CBLN2: variants seen among roughly 807,000 people sequenced by gnomAD.
The protein encoded by CBLN2 is cerebellin 2 precursor, also known as cerebellin-2.
Under a neutral mutation model 15.0 loss-of-function variants are expected in CBLN2, and 7 were observed. That is an observed-to-expected ratio of 0.47 (90% CI 0.27 to 0.88). CBLN2 has a LOEUF of 0.88. Ranked by LOEUF, CBLN2 falls within the 40% of genes least tolerant of loss-of-function variation. The pLI is 0.14. For missense variants in CBLN2, 242 were observed against 304.5 expected, an observed-to-expected ratio of 0.79 and a Z score of 1.53; for synonymous variants, 149 against 135.2, an observed-to-expected ratio of 1.10 and a Z score of -0.71.
chr18:72,631,095 A>T (rs1193504714), intron 1 of CBLN2: 4 of 152,212 alleles, frequency 2.6e-5, no homozygotes, highest in Admixed American at 2.6e-4. Context: ...AGCGACACAA[A>T]CATACTAACA....
intron 1 of CBLN2, among the ~76,000 whole-genome samples, chr18:72,634,671 T>A (rs535594155): frequency 4.6e-5 from 7 of 152,294 alleles, no homozygotes; most frequent in Admixed American, 4.6e-4. Flanking sequence ...CAGGGATTTA[T>A]AATTGCAGCC....
intron 1 of CBLN2, among the ~76,000 whole-genome samples, chr18:72,569,693 C>T (rs186133823): frequency 0.022 from 3,364 of 152,064 alleles, 61 homozygotes; most frequent in Non-Finnish European, 0.037. Flanking sequence ...GGAGCAGGTG[C>T]TACACTCCTT....
At chr18:72,635,862 T>G (rs1425779256) in intron 1 of CBLN2, among the ~76,000 whole-genome samples, 1 of 152,126 alleles carries the variant, frequency 6.6e-6, no homozygotes, top group Non-Finnish European at 1.5e-5. Context: ...GTAATTATCT[T>G]CATGCACATC....
chr18:72,600,656 A>G (rs2069541973), intron 1 of CBLN2, among the ~76,000 whole-genome samples: 1 of 152,186 alleles, frequency 6.6e-6, no homozygotes, highest in Non-Finnish European at 1.5e-5. Flanking sequence ...AAATCAATTC[A>G]CTGAGACTGC....
intron 1 of CBLN2, among the ~76,000 whole-genome samples, chr18:72,606,983 T>C (rs1486023744): frequency 1.3e-5 from 2 of 152,182 alleles, no homozygotes; most frequent in Non-Finnish European, 2.9e-5. Flanking sequence ...CCCAGAACCT[T>C]GGAATGTGAA....
At chr18:72,621,452 C>T (rs1354320083) in intron 1 of CBLN2, among the ~76,000 whole-genome samples, 1 of 152,080 alleles carries the variant, frequency 6.6e-6, no homozygotes, top group African/African-American at 2.4e-5. Flanking sequence ...AGAATATCTC[C>T]TCTTTTTGAC....
intron 1 of CBLN2, among the ~76,000 whole-genome samples, chr18:72,555,371 G>C (rs1568254065): frequency 2.0e-5 from 3 of 152,146 alleles, no homozygotes; most frequent in Admixed American, 6.5e-5. Flanking sequence ...TAGTTTTTGA[G>C]GGGGAGGGAG....
intron 1 of CBLN2, among the ~76,000 whole-genome samples, chr18:72,607,161 C>G (rs2069588694): frequency 6.6e-6 from 1 of 152,188 alleles, no homozygotes; most frequent in African/African-American, 2.4e-5. Flanking sequence ...GGAGGAAGTT[C>G]TGAAACAGAT....
chr18:72,554,973 T>A (rs980347209), intron 1 of CBLN2, among the ~76,000 whole-genome samples: 14 of 151,886 alleles, frequency 9.2e-5, no homozygotes, highest in African/African-American at 3.4e-4. Flanking sequence ...CCGTCTCTAT[T>A]AAAAATACAA....
chr18:72,571,844 A>G (rs1230564114), intron 1 of CBLN2, among the ~76,000 whole-genome samples: 4 of 152,218 alleles, frequency 2.6e-5, no homozygotes, highest in Non-Finnish European at 5.9e-5. Context: ...TAATCTCGAG[A>G]GACGATTTTT....
chr18:72,571,286 A>G (rs970176787), intron 1 of CBLN2, among the ~76,000 whole-genome samples: 3 of 152,214 alleles, frequency 2.0e-5, no homozygotes, highest in Non-Finnish European at 4.4e-5. Flanking sequence ...ATTAAAAATT[A>G]GTTTTACTAA....
At chr18:72,635,965 G>C (rs1006287951) in intron 1 of CBLN2, among the ~76,000 whole-genome samples, 2 of 152,146 alleles carry the variant, frequency 1.3e-5, no homozygotes, top group Admixed American at 6.6e-5. Flanking sequence ...TATAAATATA[G>C]AGGGAGATAC....
intron 1 of CBLN2, among the ~76,000 whole-genome samples, chr18:72,595,989 C>A (rs1021229850): frequency 1.3e-5 from 2 of 151,924 alleles, no homozygotes; most frequent in Non-Finnish European, 2.9e-5. Flanking sequence ...CACTACATGT[C>A]TTTTGATTGG....
chr18:72,582,278 T>C (rs2069411081), intron 1 of CBLN2, among the ~76,000 whole-genome samples: 1 of 152,202 alleles, frequency 6.6e-6, no homozygotes, highest in Non-Finnish European at 1.5e-5. Flanking sequence ...GAATGAATGA[T>C]TTAATTTGCA....
intron 1 of CBLN2, among the ~76,000 whole-genome samples, chr18:72,637,396 A>G (rs1206992094): frequency 6.6e-6 from 1 of 152,192 alleles, no homozygotes; most frequent in Non-Finnish European, 1.5e-5. Context: ...ACTTGGTGAC[A>G]GCAAATGCAA....
chr18:72,538,410 G>T (rs1440115575), intron 4 of CBLN2, 37 bp from the exon 5 acceptor site: 3 of 1,601,480 alleles, frequency 1.9e-6, no homozygotes, highest in Non-Finnish European at 1.7e-6. Context: ...AGACCATAAA[G>T]CACCCAACTC....
chr18:72,618,497 C>T, intron 1 of CBLN2: 1 of 676,614 alleles, frequency 1.5e-6, no homozygotes. Flanking sequence ...CAAGGTCACA[C>T]AAGGTGGATG....
At chr18:72,541,623 T>C (rs922581975) in intron 3 of CBLN2, among the ~76,000 whole-genome samples, 181 bp downstream of exon 3, 1 of 152,058 alleles carries the variant, frequency 6.6e-6, no homozygotes, top group Non-Finnish European at 1.5e-5. Context: ...AAAGCCAAAA[T>C]GTGGAAAAGG....
chr18:72,561,004 G>A (rs964306748), intron 1 of CBLN2, among the ~76,000 whole-genome samples: 147 of 151,748 alleles, frequency 9.7e-4, no homozygotes, highest in African/African-American at 3.1e-3. Context: ...GCGAGACTCC[G>A]TCTCAAAAAA....
Sources: allele counts gnomAD v4.1 joint callset (sites outside exome capture counted in the v4.1 genomes callset), GRCh38; gene constraint gnomAD v4.1.1; transcripts MANE v1.5; gene names NCBI Gene and HGNC (gene_info 2026-07-23, HGNC 2026-07-21).